The following CPXM2 variants were observed in gnomAD, a reference collection of about 807,000 sequenced individuals.
The protein encoded by CPXM2 is carboxypeptidase X, M14 family member 2.
CPXM2 carries 66 observed loss-of-function variants against 86.1 expected under a neutral mutation model. The observed-to-expected ratio is 0.77, with a 90% CI of 0.63 to 0.94. CPXM2 has a LOEUF of 0.94. CPXM2 is among the 40% of genes least tolerant of loss of function. CPXM2 has a pLI of 0.00. For missense variants in CPXM2, 948 were observed against 1,026.3 expected (o/e 0.92, Z 1.04); for synonymous variants, 388 against 400.2 (o/e 0.97, Z 0.36).
At chr10:123,784,708 G>A (rs987395878) in intron 6 of CPXM2, among the ~76,000 whole-genome samples, 2 of 152,178 alleles carry the variant, frequency 1.3e-5, no homozygotes, top group African/African-American at 4.8e-5. Flanking sequence ...CCCTCACGAA[G>A]CAGCCTCTGG....
At chr10:123,838,232 C>T (rs1035577173) in intron 4 of CPXM2, among the ~76,000 whole-genome samples, 1 of 152,132 alleles carries the variant, frequency 6.6e-6, no homozygotes, top group East Asian at 1.9e-4. Flanking sequence ...GAGGCCGAGG[C>T]GGGAGGATTA....
At chr10:123,793,362 C>T (rs571530190) in intron 6 of CPXM2, among the ~76,000 whole-genome samples, 101 of 146,982 alleles carry the variant, frequency 6.9e-4, no homozygotes, top group African/African-American at 2.5e-3. Flanking sequence ...TACCCGGAGG[C>T]TAAGGCAGGA....
rs561239766 is a variant in CPXM2, at chr10:123,935,667, G to A, written n.174+3810C>T. On this transcript the variant is annotated intron_variant and non_coding_transcript_variant, in intron 2 of 19. Coordinates refer to the CPXM2 transcript ENST00000368854. ...GTAGGAGCCCAGACATGAAAGATGG[G>A]AAGAAAAATAGCCCAGACAAGGATG... Among the ~76,000 whole-genome samples the A allele has an allele frequency of 3.9e-5, 6 of 152,188 alleles. 1 individual carries two copies. In the South Asian group the frequency reaches 8.3e-4, roughly 21 times the overall value.
chr10:123,873,852 A>AT (rs368711617), intron 2 of CPXM2, among the ~76,000 whole-genome samples: 1 of 129,552 alleles, frequency 7.7e-6, no homozygotes, highest in African/African-American at 3.0e-5. Context: ...TATTTCTCAC[A>AT]TTTCTTTTTT....
intron 1 of CPXM2, among the ~76,000 whole-genome samples, chr10:123,890,642 C>T (rs1945251319): frequency 6.6e-6 from 1 of 152,246 alleles, no homozygotes; most frequent in South Asian, 2.1e-4. Context: ...GGTTAATAAA[C>T]TACGTCATTT....
At chr10:123,748,208 C>T (rs970559804) in intron 13 of CPXM2, among the ~76,000 whole-genome samples, 1 of 152,106 alleles carries the variant, frequency 6.6e-6, no homozygotes, top group African/African-American at 2.4e-5. Flanking sequence ...CCAGGTCACA[C>T]GGCTAGTAAT....
chr10:123,908,795 G>C (rs1042006878), intron 2 of CPXM2, among the ~76,000 whole-genome samples: 2 of 152,120 alleles, frequency 1.3e-5, no homozygotes, highest in Admixed American at 6.5e-5. Context: ...CTTCTGCAGT[G>C]AAGAAAATAT....
intron 2 of CPXM2, among the ~76,000 whole-genome samples, chr10:123,909,758 A>G (rs1449551951): frequency 6.6e-6 from 1 of 151,034 alleles, no homozygotes; most frequent in Non-Finnish European, 1.5e-5. Flanking sequence ...AACTATAACC[A>G]CTCTCCTCTT....
In CPXM2 at chr10:123,754,479, A is replaced by G. The variant is rs913449064; in HGVS notation, c.2017+184T>C. Among the ~76,000 whole-genome samples, 3 of 152,250 alleles carry G rather than the reference A, an allele frequency of 2.0e-5. No homozygotes were observed. The highest frequency in any genetic ancestry group is 7.2e-5 in the African/African-American group (3 of 41,460). On this transcript the variant is annotated intron_variant, in intron 13 of 13. Coordinates refer to ENST00000241305, the MANE Select transcript of CPXM2 (RefSeq NM_198148.3). The surrounding 1 kb of genome is among the most constrained non-coding windows in gnomAD (Gnocchi z 4.0). ...TGAAAGGGACAGCGAGCAACCAGCA[A>G]GCACAGGCTGAAAACCTCCCTTCCA...
At chr10:123,913,085 G>A (rs1945503727) in intron 2 of CPXM2, among the ~76,000 whole-genome samples, 1 of 152,198 alleles carries the variant, frequency 6.6e-6, no homozygotes, top group African/African-American at 2.4e-5. Context: ...AGGCTGCTGG[G>A]CTCTCTGCCT....
intron 1 of CPXM2, among the ~76,000 whole-genome samples, chr10:123,886,100 G>T (rs1265162932): frequency 6.6e-6 from 1 of 152,202 alleles, no homozygotes; most frequent in East Asian, 1.9e-4. Flanking sequence ...TACAGGAAAT[G>T]ACGTCCTCTC....
chr10:123,942,421 A>G (rs536227168), upstream of CPXM2, among the ~76,000 whole-genome samples: 1 of 152,334 alleles, frequency 6.6e-6, no homozygotes, highest in African/African-American at 2.4e-5. Flanking sequence ...AGGATGTGGT[A>G]AAGAAGCCAA....
intron 2 of CPXM2, among the ~76,000 whole-genome samples, chr10:123,869,785 A>T (rs1944861225): frequency 6.6e-6 from 1 of 152,208 alleles, no homozygotes; most frequent in Non-Finnish European, 1.5e-5. Context: ...CCTCATCATC[A>T]TCATCATCAT....
chr10:123,852,258 T>G (rs1226726040), intron 3 of CPXM2, among the ~76,000 whole-genome samples: 1 of 152,136 alleles, frequency 6.6e-6, no homozygotes, highest in African/African-American at 2.4e-5. Context: ...TTTTCAGTAA[T>G]TTCATCTCCC....
At position 123,880,271 on chromosome 10, in the gene CPXM2, A is replaced by G; in HGVS notation, c.343T>C (p.Ser115Pro). 1 of 1,600,620 alleles carries G rather than the reference A, an allele frequency of 6.2e-7. No individual in the cohort carries two copies. The highest frequency in any genetic ancestry group is 8.6e-7 in the Non-Finnish European group (1 of 1,167,854). ...TGATCATCGTTGGCAGCCTTCTCAG[A>G]GCTCTTGGTTCTCATAACTTTTTTG... is the stretch of plus-strand genomic sequence containing the variant. ...SNKKVMRTKS[S>P]EKAANDDHSV... The change falls in exon 2 of 14, where the codon TCT (serine) becomes CCT (proline). Residue 115 changes from serine (S) to proline (P), a missense_variant. Transcript: ENST00000241305.
chr10:123,838,541 A>G (rs1400860548), intron 4 of CPXM2, among the ~76,000 whole-genome samples: 1 of 152,232 alleles, frequency 6.6e-6, no homozygotes, highest in African/African-American at 2.4e-5. Flanking sequence ...CCAACTGCTA[A>G]TCAAGTGTTT....
At chr10:123,942,329 G>C (rs1219919198), upstream of CPXM2, among the ~76,000 whole-genome samples, 1 of 152,134 alleles carries the variant, frequency 6.6e-6, no homozygotes, top group Non-Finnish European at 1.5e-5. Flanking sequence ...CAGGAGGTTA[G>C]GCATTCTTAA....
intron 5 of CPXM2, 109 bp from the exon 6 acceptor site, chr10:123,798,235 T>A: frequency 1.1e-6 from 1 of 916,472 alleles, no homozygotes; most frequent in Non-Finnish European, 1.5e-6. Context: ...AAACCTAATG[T>A]GTGCTGTGCA....
At position 123,891,737 on chromosome 10, in the gene CPXM2, C is replaced by T. The variant is rs1945277985; in HGVS notation, c.-78G>A. The T allele has an allele frequency of 6.1e-6, 7 of 1,156,408 alleles. No individual in the cohort carries two copies. The South Asian group carries it at 7.6e-5, about 13-fold the overall frequency. 71.6% of individuals were successfully genotyped at this position (1,156,408 alleles called of 1,614,324 possible). A position where few individuals can be genotyped will look rare whatever the true frequency, so the allele number is the denominator to read the frequency against. On this transcript the variant is annotated 5_prime_UTR_variant, in exon 1 of 14. Coordinates refer to ENST00000241305, the MANE Select transcript of CPXM2 (RefSeq NM_198148.3). This position sits in a 1 kb window ranked among gnomAD's most constrained non-coding sequence, Gnocchi z 5.6. ...CGGGCTGCGGGCGCAGAAGCTGGCG[C>T]GGGGCAAGGGCGCAGGGCACAGCAG...
Sources: allele counts gnomAD v4.1 joint callset (sites outside exome capture counted in the v4.1 genomes callset), GRCh38; gene constraint gnomAD v4.1.1; non-coding constraint Gnocchi (gnomAD v3.1); transcripts MANE v1.5; gene names NCBI Gene and HGNC (gene_info 2026-07-23, HGNC 2026-07-21).